PARD3: variants seen among roughly 807,000 people sequenced by gnomAD.
The protein encoded by PARD3 is par-3 family cell polarity regulator.
PARD3 carries 75 observed loss-of-function variants against 155.4 expected under a neutral mutation model. The ratio of observed to expected loss-of-function variants is 0.48; its 90% CI spans 0.40 to 0.58. PARD3 has a LOEUF of 0.58. PARD3 is among the 20% of genes least tolerant of loss of function. The pLI is 0.00. For missense variants in PARD3, 1,642 were observed against 1,721.7 expected (o/e 0.95, Z 0.82); for synonymous variants, 576 against 610.5 (o/e 0.94, Z 0.83).
At chr10:34,342,396 T>C (rs1836921767) in intron 15 of PARD3, among the ~76,000 whole-genome samples, 1 of 152,220 alleles carries the variant, frequency 6.6e-6, no homozygotes, top group South Asian at 2.1e-4. Flanking sequence ...CTGGAAATCT[T>C]GGCAAAAGTT....
chr10:34,714,911 A>C (rs1590784401), intron 1 of PARD3, among the ~76,000 whole-genome samples: 1 of 151,244 alleles, frequency 6.6e-6, no homozygotes, highest in African/African-American at 2.4e-5. Flanking sequence ...AATAGCTGGG[A>C]CTATAGGCAC....
Position 34,360,169 on chromosome 10 carries a change from C to G in PARD3, c.1798G>C (p.Gly600Arg). 6.2e-7 allele frequency: 1 copy of G among 1,613,872 alleles called. No homozygotes were observed. Among genetic ancestry groups the G allele is most frequent in the East Asian group, 2.2e-5 (1 of 44,882 alleles). The change falls in exon 13 of 25, where the codon GGC (glycine) becomes CGC (arginine). Residue 600 changes from glycine (G) to arginine (R), a missense_variant. Physicochemically the swap from Gly to Arg is moderately radical, Grantham distance 125 (BLOSUM62 -2). Transcript: ENST00000374788. ...EVPLNDSGSA[G>R]LGVSVKGNRS... ...TTACCTTTGACACTGACACCAAGGC[C>G]TGCAGATCCTGAATCATTAAGTGGG...
At chr10:34,241,391 C>A (rs1240964161) in intron 22 of PARD3, among the ~76,000 whole-genome samples, 3 of 152,042 alleles carry the variant, frequency 2.0e-5, no homozygotes, top group Non-Finnish European at 4.4e-5. Flanking sequence ...CTGGGGAGCA[C>A]CGGTGGAGGG....
At chr10:34,284,882 C>T (rs1412180468) in intron 20 of PARD3, among the ~76,000 whole-genome samples, 3 of 152,180 alleles carry the variant, frequency 2.0e-5, no homozygotes, top group Non-Finnish European at 4.4e-5. Context: ...TATAAATCCA[C>T]ATCTGATCAA....
At chr10:34,284,311 A>G in intron 20 of PARD3, 66 bp from the exon 21 acceptor site, 1 of 905,232 alleles carries the variant, frequency 1.1e-6, no homozygotes, top group Non-Finnish European at 1.8e-6. Context: ...GTTTGTGGTA[A>G]TGACATATAC....
At chr10:34,491,834 A>C (rs1330885701) in intron 3 of PARD3, among the ~76,000 whole-genome samples, 1 of 152,224 alleles carries the variant, frequency 6.6e-6, no homozygotes. Context: ...CCAGTCTGTC[A>C]GACAACCAGG....
At chr10:34,799,899 A>T (rs1842690852) in intron 1 of PARD3, among the ~76,000 whole-genome samples, 1 of 152,128 alleles carries the variant, frequency 6.6e-6, no homozygotes, top group Admixed American at 6.5e-5. Context: ...AAGCTGAGGC[A>T]GGAAGATCAC....
chr10:34,550,235 T>C lies in PARD3; in HGVS notation c.223-33076A>G, dbSNP rs1048549417. Reference sequence around the variant, plus strand: ...ACTGCCATGTGCCCTCCACCTTTTATCTTTGAGACAGGATCTCACTCTGTC... The same window carrying C: ...ACTGCCATGTGCCCTCCACCTTTTACCTTTGAGACAGGATCTCACTCTGTC... On this transcript the variant is annotated intron_variant, in intron 2 of 24. Coordinates refer to ENST00000374788, the MANE Select transcript of PARD3 (RefSeq NM_001184785.2). 2.0e-5 allele frequency among the ~76,000 whole-genome samples: 3 copies of C among 152,150 alleles called. No individual in the cohort carries two copies. In the East Asian group the frequency reaches 5.8e-4, roughly 29 times the overall value.
chr10:34,448,542 A>G (rs145348976), intron 5 of PARD3, among the ~76,000 whole-genome samples: 1 of 152,214 alleles, frequency 6.6e-6, no homozygotes, highest in Admixed American at 6.5e-5. Flanking sequence ...GCTCATGCCT[A>G]TAACCATGAC....
chr10:34,580,194 C>G (rs1402740591), intron 2 of PARD3, among the ~76,000 whole-genome samples: 1 of 152,100 alleles, frequency 6.6e-6, no homozygotes, highest in South Asian at 2.1e-4. Flanking sequence ...AGATTATAAA[C>G]GTGAGCCACT....
chr10:34,518,753 G>A (rs372531557), intron 2 of PARD3, among the ~76,000 whole-genome samples: 5 of 152,122 alleles, frequency 3.3e-5, no homozygotes, highest in South Asian at 2.1e-4. Flanking sequence ...CATAAAAATC[G>A]TTCAGGTAAA....
intron 1 of PARD3, among the ~76,000 whole-genome samples, chr10:34,761,635 G>A (rs2134019061): frequency 6.6e-6 from 1 of 152,250 alleles, no homozygotes; most frequent in African/African-American, 2.4e-5. Flanking sequence ...CACATAAAAT[G>A]ATTCAGCATT....
At chr10:34,167,023 A>T (rs1949561229) in intron 22 of PARD3, among the ~76,000 whole-genome samples, 1 of 152,220 alleles carries the variant, frequency 6.6e-6, no homozygotes. Flanking sequence ...TTGTCTGGGC[A>T]GTAATGATGT....
chr10:34,559,196 C>G (rs1227922681), intron 2 of PARD3, among the ~76,000 whole-genome samples: 1 of 152,120 alleles, frequency 6.6e-6, no homozygotes, highest in Admixed American at 6.6e-5. Context: ...ACGTGTCTCA[C>G]AAGAGCTCAA....
rs188305937 is a variant in PARD3 at position 34,113,602 on chromosome 10, G to A, written c.3669-2040C>T. Among the ~76,000 whole-genome samples the A allele has an allele frequency of 2.0e-4, 31 of 152,126 alleles. No homozygotes were observed. In the East Asian group the frequency reaches 5.6e-3, roughly 28 times the overall value. On this transcript the variant is annotated intron_variant, in intron 24 of 24. Transcript: ENST00000374788. ...GTATCTATATGCTCTTGATTAAGGA[G>A]AGAATGAGAAATGGGCCAATTGTAG...
intron 2 of PARD3, among the ~76,000 whole-genome samples, chr10:34,694,063 C>G (rs1448240073): frequency 2.6e-5 from 4 of 151,324 alleles, no homozygotes; most frequent in Non-Finnish European, 5.9e-5. Flanking sequence ...TTGTATGTTT[C>G]TGCATTTTCC....
chr10:34,356,517 T>C (rs1350451118), intron 14 of PARD3, among the ~76,000 whole-genome samples: 2 of 152,224 alleles, frequency 1.3e-5, no homozygotes, highest in Non-Finnish European at 2.9e-5. Context: ...ACCTTGGATT[T>C]AAAGATGAGA....
At chr10:34,511,941 G>A (rs1366479096) in intron 3 of PARD3, among the ~76,000 whole-genome samples, 2 of 151,966 alleles carry the variant, frequency 1.3e-5, no homozygotes, top group Non-Finnish European at 2.9e-5. Context: ...TACCAGCCCG[G>A]GCTGTTAATT....
At chr10:34,803,547 T>C (rs1439945372) in intron 1 of PARD3, among the ~76,000 whole-genome samples, 2 of 152,072 alleles carry the variant, frequency 1.3e-5, no homozygotes, top group Admixed American at 6.6e-5. Flanking sequence ...TCTCAGCACT[T>C]TGGGAGGCCA....
Sources: gnomAD v4.1 joint callset for allele counts (sites outside exome capture counted in the v4.1 genomes callset) on GRCh38, gnomAD v4.1.1 for gene constraint, MANE v1.5 for transcripts, NCBI Gene and HGNC (gene_info 2026-07-23, HGNC 2026-07-21) for gene names.